The following CAMTA1 variants were observed in gnomAD, a reference collection of about 807,000 sequenced individuals.
The protein encoded by CAMTA1 is calmodulin-binding transcription activator 1.
CAMTA1 carries 27 observed loss-of-function variants against 170.9 expected under a neutral mutation model. The observed-to-expected ratio is 0.16, with a 90% CI of 0.12 to 0.22. The LOEUF (loss-of-function observed/expected upper bound fraction) is 0.22. Among genes scored for constraint, CAMTA1 ranks in the 10% least tolerant of loss-of-function variants. The probability of loss-of-function intolerance (pLI) is 1.00; values close to 1 mark genes in which losing one functional copy is unlikely to be tolerated. For missense variants in CAMTA1, 1,619 were observed against 2,217.2 expected (o/e 0.73, Z 5.42); for synonymous variants, 833 against 891.5 (o/e 0.93, Z 1.17).
At chr1:7,398,193 C>CTCTCTCTCTCTCTCTA (rs1557651862) in intron 5 of CAMTA1, among the ~76,000 whole-genome samples, 1 of 16,890 alleles carries the variant, frequency 5.9e-5, no homozygotes, top group African/African-American at 1.9e-4. Context: ...CTCTCTCTCT[C>CTCTCTCTCTCTCTCTA]TATATATATA....
At chr1:7,630,713 G>T (rs995881528) in intron 6 of CAMTA1, among the ~76,000 whole-genome samples, 3 of 152,216 alleles carry the variant, frequency 2.0e-5, no homozygotes, top group Non-Finnish European at 4.4e-5. Context: ...GCCCCCAAGG[G>T]CAGCCTACCT....
At chr1:7,479,328 C>T (rs1273745432) in intron 6 of CAMTA1, among the ~76,000 whole-genome samples, 2 of 152,296 alleles carry the variant, frequency 1.3e-5, no homozygotes, top group East Asian at 3.9e-4. Context: ...TGTACACAGG[C>T]GTCACTGCGC....
chr1:6,828,553 G>A (rs1012468045), intron 3 of CAMTA1, among the ~76,000 whole-genome samples: 5 of 152,000 alleles, frequency 3.3e-5, no homozygotes, highest in Non-Finnish European at 7.4e-5. Flanking sequence ...GCCTCCCAAA[G>A]TGCTGGGATT....
chr1:7,683,197 A>G lies in CAMTA1; in HGVS notation c.2914+5464A>G, dbSNP rs1236897930. 3.3e-5 allele frequency among the ~76,000 whole-genome samples: 5 copies of G among 151,868 alleles called. 1 individual carries two copies. Among genetic ancestry groups the G allele is most frequent in the African/African-American group, 9.7e-5 (4 of 41,366 alleles). ...ACTCTGTCTCAAAAAAAAAAAAAAA[A>G]AAGAACATACAATGTACACTGAGAA... On this transcript the variant is annotated intron_variant, in intron 11 of 22. Coordinates refer to ENST00000303635, the MANE Select transcript of CAMTA1 (RefSeq NM_015215.4).
intron 3 of CAMTA1, among the ~76,000 whole-genome samples, chr1:6,842,093 T>C (rs949218097): frequency 6.6e-6 from 1 of 152,224 alleles, no homozygotes; most frequent in African/African-American, 2.4e-5. Flanking sequence ...ACACTTCTGC[T>C]CTTCTCTCCT....
chr1:7,386,093 C>T (rs866670457), intron 5 of CAMTA1, among the ~76,000 whole-genome samples: 7 of 152,292 alleles, frequency 4.6e-5, no homozygotes, highest in Admixed American at 6.5e-5. Context: ...TCACAGGGAC[C>T]ATTGTCAGGC....
chr1:7,224,651 C>A lies in CAMTA1; in HGVS notation c.303-24840C>A, dbSNP rs1282207474. ...GGGGTCCCAGGTTGGAGGCGTGACA[C>A]CCGCGCCTCTCCGCTGGTGTCATTG... On this transcript the variant is annotated intron_variant, in intron 4 of 22. Transcript: ENST00000303635. The surrounding 1 kb of genome is among the most constrained non-coding windows in gnomAD (Gnocchi z 5.2). Among the ~76,000 whole-genome samples, 1 of 152,192 alleles carries A rather than the reference C, an allele frequency of 6.6e-6. No homozygotes were observed. The highest frequency in any genetic ancestry group is 1.9e-4 in the East Asian group (1 of 5,190).
intron 6 of CAMTA1, among the ~76,000 whole-genome samples, chr1:7,563,396 G>A (rs2094988520): frequency 6.6e-6 from 1 of 152,208 alleles, no homozygotes; most frequent in Middle Eastern, 3.2e-3. Context: ...GAGACCTGCA[G>A]CACAGCAGGA....
intron 3 of CAMTA1, among the ~76,000 whole-genome samples, chr1:6,904,957 C>T (rs1207116459): frequency 1.3e-5 from 2 of 151,930 alleles, no homozygotes; most frequent in Non-Finnish European, 2.9e-5. Flanking sequence ...GCCAAACATT[C>T]TTTCTCCAAC....
intron 4 of CAMTA1, among the ~76,000 whole-genome samples, chr1:7,154,398 G>A (rs1314129014): frequency 1.3e-5 from 2 of 152,056 alleles, no homozygotes; most frequent in Non-Finnish European, 2.9e-5. Context: ...TTTCCTTTGT[G>A]AGGTCGATGG....
intron 3 of CAMTA1, among the ~76,000 whole-genome samples, chr1:6,936,346 T>G (rs1226527012): frequency 2.0e-5 from 3 of 152,222 alleles, no homozygotes; most frequent in African/African-American, 7.2e-5. Flanking sequence ...GCATTTCCAC[T>G]GAAATGAAAT....
chr1:7,745,016 A>G lies in CAMTA1; in HGVS notation c.4364A>G (p.Gln1455Arg), dbSNP rs780484812. ...GCTGACTGCCTTCCCAGTGCTGCCC[A>G]GATCCGGTGAGTAAAGTTACGGAGG... Reference protein sequence around the residue: ...ADADCLPSAAQIRSAYNEPLT... With the variant: ...ADADCLPSAARIRSAYNEPLT... The change falls in exon 17 of 23, where the codon CAG becomes CGG. Residue 1455 changes from glutamine (Q) to arginine (R), a missense_variant. Gln to Arg is a conservative substitution (Grantham distance 43). This residue lies in a region of CAMTA1 where 370 missense variants were observed against 429.4 expected (regional missense o/e 0.86). Coordinates refer to ENST00000303635, the MANE Select transcript of CAMTA1 (RefSeq NM_015215.4). The G allele has an allele frequency of 6.2e-7, 1 of 1,610,748 alleles. No individual in the cohort carries two copies. Among genetic ancestry groups the G allele is most frequent in the Non-Finnish European group, 8.5e-7 (1 of 1,178,506 alleles).
intron 5 of CAMTA1, among the ~76,000 whole-genome samples, chr1:7,439,538 G>T (rs2092456805): frequency 6.6e-6 from 1 of 152,170 alleles, no homozygotes; most frequent in South Asian, 2.1e-4. Context: ...CACCACCCAT[G>T]CAGGACCAGG....
At chr1:7,398,185 CTCTCTCTCTATATATATAT>C (rs1485425917) in intron 5 of CAMTA1, among the ~76,000 whole-genome samples, 1 of 46,542 alleles carries the variant, frequency 2.1e-5, no homozygotes, top group African/African-American at 8.7e-5. Flanking sequence ...CTCTCTCTCT[CTCTCTCTCTATATATATAT>C]ATATATATAT....
rs373681342 is a variant in CAMTA1 at position 7,594,117 on chromosome 1, G to GAGAAAGAAAGAAAGAA, written c.511-46274_511-46259dup. On this transcript the variant is annotated intron_variant, in intron 6 of 22. Transcript: ENST00000303635. The stretch of plus-strand genomic sequence containing the variant: ...AGAGGAAAGAAGAAAGAAAGAAAGA[G>GAGAAAGAAAGAAAGAA]AGAAAGAAAGAAAGAAAGAAAGAAG... 1.0e-3 allele frequency among the ~76,000 whole-genome samples: 135 copies of GAGAAAGAAAGAAAGAA among 130,778 alleles called. 1 individual carries two copies. The highest frequency in any genetic ancestry group is 4.6e-3 in the African/African-American group (132 of 28,418). The allele number at this position is 130,778 out of a possible 152,430, so 85.8% of individuals were successfully genotyped here.
At chr1:7,219,811 G>A (rs891466178) in intron 4 of CAMTA1, among the ~76,000 whole-genome samples, 2 of 152,076 alleles carry the variant, frequency 1.3e-5, no homozygotes, top group African/African-American at 4.8e-5. Context: ...TGAGGCAGGA[G>A]GATTGCTTGA....
At chr1:7,313,841 G>T (rs2149637509) in intron 5 of CAMTA1, among the ~76,000 whole-genome samples, 1 of 152,284 alleles carries the variant, frequency 6.6e-6, no homozygotes, top group East Asian at 1.9e-4. Flanking sequence ...GGCAGGTTTG[G>T]AAGGTGGGCT....
chr1:7,257,681 C>G (rs1384805529), intron 5 of CAMTA1, among the ~76,000 whole-genome samples: 1 of 150,836 alleles, frequency 6.6e-6, no homozygotes, highest in Admixed American at 6.6e-5. Context: ...AATATTGATG[C>G]CCAGTTAAAT....
chr1:7,729,571 G>T (rs994511621), intron 11 of CAMTA1, among the ~76,000 whole-genome samples: 1 of 152,152 alleles, frequency 6.6e-6, no homozygotes, highest in Non-Finnish European at 1.5e-5. Flanking sequence ...TGAGAATATT[G>T]TCTCCTTCTG....
Sources: gnomAD v4.1 joint callset for allele counts (sites outside exome capture counted in the v4.1 genomes callset) on GRCh38, gnomAD v4.1.1 for gene constraint, gnomAD v4.1.1 regional missense constraint, Gnocchi (gnomAD v3.1) non-coding constraint, MANE v1.5 for transcripts, NCBI Gene and HGNC (gene_info 2026-07-23, HGNC 2026-07-21) for gene names.